The following PUS10 variants were observed in gnomAD, a reference collection of about 807,000 sequenced individuals.
PUS10 encodes pseudouridine synthase 10.
PUS10 carries 59 observed loss-of-function variants against 75.0 expected under a neutral mutation model. That is an observed-to-expected ratio of 0.79 (90% CI 0.64 to 0.98). The LOEUF (loss-of-function observed/expected upper bound fraction) is 0.98. Among genes scored for constraint, PUS10 ranks in the 50% least tolerant of loss-of-function variants. PUS10 has a pLI of 0.00. For missense variants in PUS10, 650 were observed against 614.4 expected, an observed-to-expected ratio of 1.06 and a Z score of -0.61; for synonymous variants, 219 against 211.6, an observed-to-expected ratio of 1.03 and a Z score of -0.30.
At chr2:61,003,461 CAAAAA>C (rs1315443074) in intron 4 of PUS10, among the ~76,000 whole-genome samples, 1 of 71,054 alleles carries the variant, frequency 1.4e-5, no homozygotes, top group Non-Finnish European at 2.9e-5. Flanking sequence ...GACCCTGTCT[CAAAAA>C]AAAAAAAAAA....
chr2:61,014,946 G>C (rs1679871327), intron 1 of PUS10, among the ~76,000 whole-genome samples: 1 of 152,094 alleles, frequency 6.6e-6, no homozygotes, highest in Non-Finnish European at 1.5e-5. Context: ...TAGTTACATA[G>C]AACTCTTCAC....
At chr2:60,983,398 G>C (rs1343951891) in intron 4 of PUS10, among the ~76,000 whole-genome samples, 2 of 152,072 alleles carry the variant, frequency 1.3e-5, no homozygotes, top group Non-Finnish European at 2.9e-5. Context: ...TAAAGGATAG[G>C]CTGGGCGCGG....
intron 4 of PUS10, among the ~76,000 whole-genome samples, chr2:61,000,400 A>G (rs1001509279): frequency 6.6e-6 from 1 of 152,204 alleles, no homozygotes; most frequent in Non-Finnish European, 1.5e-5. Flanking sequence ...ATAACAAATT[A>G]TCACAAATTT....
intron 2 of PUS10, chr2:61,010,135 CT>C (rs968846473): frequency 7.2e-5 from 11 of 152,170 alleles, no homozygotes; most frequent in African/African-American, 2.7e-4. Flanking sequence ...CACTCAGTCT[CT>C]TAATATAATA....
chr2:61,015,720 T>C (rs1338287852), intron 1 of PUS10, among the ~76,000 whole-genome samples: 1 of 151,992 alleles, frequency 6.6e-6, no homozygotes, highest in Non-Finnish European at 1.5e-5. Flanking sequence ...AAATAAGATC[T>C]GTGTGGTCAA....
At chr2:61,013,689 A>C (rs1291589712) in intron 1 of PUS10, among the ~76,000 whole-genome samples, 1 of 152,156 alleles carries the variant, frequency 6.6e-6, no homozygotes, top group East Asian at 1.9e-4. Context: ...ACCTTATATA[A>C]TACTGGACTA....
intron 6 of PUS10, chr2:60,966,844 G>A (rs1433459416): frequency 1.3e-5 from 2 of 152,304 alleles, no homozygotes; most frequent in South Asian, 2.1e-4. Context: ...GATATTCAGG[G>A]AATTTCCTTC....
Position 60,953,826 on chromosome 2 carries a change from GTT to G in PUS10, c.1190+105_1190+106del, listed in dbSNP as rs1675486831. 13 of 805,536 alleles carry G rather than the reference GTT, an allele frequency of 1.6e-5. No homozygotes were observed. The Admixed American group carries it at 2.7e-4, about 17-fold the overall frequency. The allele number at this position is 805,536 out of a possible 1,614,324, so 49.9% of individuals were successfully genotyped here. A position where few individuals can be genotyped will look rare whatever the true frequency, so the allele number is the denominator to read the frequency against. On this transcript the variant is annotated intron_variant, in intron 14 of 17. Coordinates refer to ENST00000316752, the MANE Select transcript of PUS10 (RefSeq NM_144709.4). Reference sequence around the variant, plus strand: ...TAATCATTTCCCCATTTGTAGTTGTGTTGTTAAGAGTTCTTTATATATTCTGG... The same window carrying G: ...TAATCATTTCCCCATTTGTAGTTGTGGTTAAGAGTTCTTTATATATTCTGG...
intron 10 of PUS10, among the ~76,000 whole-genome samples, chr2:60,960,850 A>T (rs1001455764): frequency 6.6e-6 from 1 of 151,380 alleles, no homozygotes; most frequent in African/African-American, 2.4e-5. Flanking sequence ...GGATAAAAAA[A>T]AAAAAAAAAA....
rs752308039 is a variant in PUS10 at position 60,954,124 on chromosome 2, A to G, written c.1092T>C (p.His364=). ...RPFAIELVNP[H]RVHFTSQEIK... ...TTTCTTGTGAAGTGAAATGTACTCTATGAGGATTCACCAGCTCAATTGCAA... is the reference window on the plus strand; with the variant it reads ...TTTCTTGTGAAGTGAAATGTACTCTGTGAGGATTCACCAGCTCAATTGCAA... The change falls in exon 13 of 18, where the codon CAT becomes CAC. Residue 364 remains histidine (H), a synonymous_variant. Coordinates refer to ENST00000316752, the MANE Select transcript of PUS10 (RefSeq NM_144709.4). 2 of 1,614,184 alleles carry G rather than the reference A, an allele frequency of 1.2e-6. No homozygotes were observed. Among genetic ancestry groups the G allele is most frequent in the Non-Finnish European group, 1.7e-6 (2 of 1,180,006 alleles).
intron 6 of PUS10, chr2:60,967,007 T>C (rs1676378299): frequency 6.5e-6 from 1 of 152,994 alleles, no homozygotes; most frequent in Non-Finnish European, 1.5e-5. Flanking sequence ...GGAAATGTTC[T>C]GTTTTCAAAG....
intron 4 of PUS10, among the ~76,000 whole-genome samples, chr2:60,972,590 T>C (rs1401944245): frequency 2.0e-5 from 3 of 152,216 alleles, no homozygotes; most frequent in African/African-American, 7.2e-5. Flanking sequence ...AAGGTAACGA[T>C]ATGTCCCCCA....
At chr2:60,958,757 A>G (rs1675832473) in intron 11 of PUS10, among the ~76,000 whole-genome samples, 1 of 152,080 alleles carries the variant, frequency 6.6e-6, no homozygotes, top group Non-Finnish European at 1.5e-5. Context: ...ATGGTGGCAC[A>G]TGCCTGTAGT....
At chr2:60,956,777 C>T (rs923715140) in intron 11 of PUS10, among the ~76,000 whole-genome samples, 2 of 151,692 alleles carry the variant, frequency 1.3e-5, no homozygotes, top group African/African-American at 4.8e-5. Context: ...AGATCGAGAC[C>T]ATCCTGGCTA....
chr2:60,999,040 T>C (rs1678670435), intron 4 of PUS10, among the ~76,000 whole-genome samples: 1 of 152,114 alleles, frequency 6.6e-6, no homozygotes, highest in Admixed American at 6.6e-5. Context: ...ATATATACAT[T>C]TAAAGTCAAT....
intron 16 of PUS10, among the ~76,000 whole-genome samples, chr2:60,947,828 C>CAAAAAAA (rs890632119): frequency 2.2e-5 from 1 of 46,042 alleles, no homozygotes; most frequent in African/African-American, 8.0e-5. Flanking sequence ...GACTCTGCCT[C>CAAAAAAA]AAAAAAAAAA....
In PUS10 at chr2:60,969,157, T is replaced by C. The variant is rs1373815371; in HGVS notation, c.504-1544A>G. 2.5e-4 allele frequency among the ~76,000 whole-genome samples: 38 copies of C among 152,232 alleles called. 1 individual carries two copies. The highest frequency in any genetic ancestry group is 1.5e-4 in the Non-Finnish European group (10 of 68,028). ...TTAAAACATTATTTAAGAAAACCAGTGTTTTAAATCCTTCACAGTCTTTGA... is the reference window on the plus strand; with the variant it reads ...TTAAAACATTATTTAAGAAAACCAGCGTTTTAAATCCTTCACAGTCTTTGA... On this transcript the variant is annotated intron_variant, in intron 5 of 17. Coordinates refer to ENST00000316752, the MANE Select transcript of PUS10 (RefSeq NM_144709.4).
chr2:60,966,976 G>A (rs527745554), intron 6 of PUS10: 3 of 152,570 alleles, frequency 2.0e-5, no homozygotes, highest in Admixed American at 2.0e-4. Flanking sequence ...AGAGACTGAG[G>A]TAAGGTCTGC....
At chr2:60,982,154 C>CTTG (rs886692290) in intron 4 of PUS10, among the ~76,000 whole-genome samples, 4 of 152,076 alleles carry the variant, frequency 2.6e-5, no homozygotes, top group African/African-American at 9.7e-5. Context: ...GGTCCCAGGA[C>CTTG]TACAGGACTG....
Sources: allele counts gnomAD v4.1 joint callset (sites outside exome capture counted in the v4.1 genomes callset), GRCh38; gene constraint gnomAD v4.1.1; transcripts MANE v1.5; gene names NCBI Gene and HGNC (gene_info 2026-07-23, HGNC 2026-07-21).